Variants in MORC1 observed in about 807,000 individuals in gnomAD.
MORC1 encodes MORC family CW-type zinc finger protein 1.
A neutral mutation model predicts 134.9 loss-of-function variants in MORC1; 59 were observed. That is an observed-to-expected ratio of 0.44 (90% CI 0.35 to 0.54). The LOEUF is 0.54. Ranked by LOEUF, MORC1 falls within the 20% of genes least tolerant of loss-of-function variation. MORC1 has a pLI of 0.00. For synonymous variants in MORC1, 395 were observed against 391.7 expected (o/e 1.01, Z -0.10); for missense variants, 947 against 1,134.5 (o/e 0.83, Z 2.37).
chr3:108,996,309 A>G (rs890553235), intron 21 of MORC1, among the ~76,000 whole-genome samples: 1 of 94,008 alleles, frequency 1.1e-5, no homozygotes, highest in African/African-American at 4.0e-5. Context: ...CACACACACA[A>G]CTAGAATTTC....
At position 109,090,638 on chromosome 3, in the gene MORC1, A is replaced by C. The variant is rs575838114; in HGVS notation, c.689+2798T>G. Among the ~76,000 whole-genome samples the C allele has an allele frequency of 5.9e-3, 888 of 151,606 alleles. 2 individuals are homozygous for C. The highest frequency in any genetic ancestry group is 0.01 in the Middle Eastern group (3 of 294). ...TCCGTCTCAAAAAAAAAAAAAAAAAAAAAACACGATGTCAAATGTTCACAA... is the reference window on the plus strand; with the variant it reads ...TCCGTCTCAAAAAAAAAAAAAAAAACAAAACACGATGTCAAATGTTCACAA... On this transcript the variant is annotated intron_variant, in intron 8 of 27. Coordinates refer to ENST00000232603, the MANE Select transcript of MORC1 (RefSeq NM_014429.4).
intron 6 of MORC1, among the ~76,000 whole-genome samples, chr3:109,097,297 T>C: frequency 6.6e-6 from 1 of 152,122 alleles, no homozygotes; most frequent in Non-Finnish European, 1.5e-5. Flanking sequence ...ACCTTCGAAA[T>C]CCTGAAAGAA....
chr3:109,102,400 A>G (rs1950945504), intron 4 of MORC1, among the ~76,000 whole-genome samples: 1 of 152,190 alleles, frequency 6.6e-6, no homozygotes, highest in Admixed American at 6.5e-5. Flanking sequence ...GTACATTTTC[A>G]GCAGGAAAAT....
chr3:109,109,817 G>C (rs1328832993), intron 3 of MORC1: 1 of 152,272 alleles, frequency 6.6e-6, no homozygotes, highest in Non-Finnish European at 1.5e-5. Flanking sequence ...CAGGGCAAAA[G>C]AGTTTCAGAG....
Position 108,971,334 on chromosome 3 carries a change from C to T in MORC1, c.2546G>A (p.Cys849Tyr), listed in dbSNP as rs1228912303. Residue 849 changes from cysteine to tyrosine, a missense_variant, in exon 25 of 28, where the codon TGT becomes TAT. Transcript: ENST00000232603. ...PSELEEPALS[C>Y]ELEQCPEQMN... ...TTCCAAAAAAAACCAGCTTACCTCA[C>T]AACTTAATGCAGGTTCTTCCAATTC... 6.2e-7 allele frequency: 1 copy of T among 1,613,092 alleles called. No individual in the cohort carries two copies.
intron 8 of MORC1, among the ~76,000 whole-genome samples, chr3:109,082,668 G>C (rs1950545557): frequency 6.6e-6 from 1 of 151,934 alleles, no homozygotes; most frequent in Admixed American, 6.6e-5. Flanking sequence ...CTGCACAACA[G>C]AATAGATCAA....
chr3:108,998,771 G>A (rs990281882), intron 21 of MORC1, among the ~76,000 whole-genome samples: 2 of 152,204 alleles, frequency 1.3e-5, no homozygotes, highest in African/African-American at 4.8e-5. Context: ...GTTTATCCAA[G>A]TTAATTAGAC....
chr3:109,014,588 G>A (rs559200035), intron 17 of MORC1, among the ~76,000 whole-genome samples: 2 of 152,248 alleles, frequency 1.3e-5, no homozygotes, highest in South Asian at 4.1e-4. Flanking sequence ...ACAGCAAAAT[G>A]GATTTCACAA....
chr3:109,095,182 A>G, intron 6 of MORC1, 114 bp from the exon 7 acceptor site: 1 of 990,382 alleles, frequency 1.0e-6, no homozygotes, highest in South Asian at 1.7e-5. Context: ...CACTAAGTTA[A>G]AAGTTCATTT....
Position 108,971,380 on chromosome 3 carries a change from G to C in MORC1, c.2500C>G (p.Pro834Ala), listed in dbSNP as rs377680519. Reference sequence around the variant, plus strand: ...AATTCTGATGGTAGCTGATGCTCAGGAAAAAAATACAGAAGAATCTCCCTA... The same window carrying C: ...AATTCTGATGGTAGCTGATGCTCAGCAAAAAAATACAGAAGAATCTCCCTA... ...KLREILLYFF[P>A]EHQLPSELEE... Residue 834 changes from proline to alanine, a missense_variant, in exon 25 of 28, where the codon CCT becomes GCT. Physicochemically the swap from Pro to Ala is conservative, Grantham distance 27. Transcript: ENST00000232603. 1.9e-6 allele frequency: 3 copies of C among 1,612,136 alleles called. No homozygotes were observed. The highest frequency in any genetic ancestry group is 2.7e-5 in the African/African-American group (2 of 74,790).
In MORC1 at chr3:109,093,423, A is replaced by T. The variant is rs1420280652; in HGVS notation, c.689+13T>A. The stretch of plus-strand genomic sequence containing the variant: ...ACCATTGTTGAAAAACATTCTGTCA[A>T]ACACACACATACTCCTCCAGAGCTC... On this transcript the variant is annotated intron_variant, in intron 8 of 27. Transcript: ENST00000232603. 2 of 1,594,028 alleles carry T rather than the reference A, an allele frequency of 1.3e-6. No individual in the cohort carries two copies. Among genetic ancestry groups the T allele is most frequent in the East Asian group, 4.5e-5 (2 of 44,750 alleles).
At chr3:109,069,798 AAC>A in intron 8 of MORC1, 41 bp from the exon 9 acceptor site, 1 of 1,559,628 alleles carries the variant, frequency 6.4e-7, no homozygotes, top group Non-Finnish European at 8.7e-7. Flanking sequence ...CAGAGGACAC[AAC>A]AACTACATCT....
chr3:108,958,731 T>G lies in MORC1; in HGVS notation c.*234A>C. 1 of 218,822 alleles carries G rather than the reference T, an allele frequency of 4.6e-6. No homozygotes were observed. The highest frequency in any genetic ancestry group is 8.9e-6 in the Non-Finnish European group (1 of 112,536). The allele number at this position is 218,822 out of a possible 1,614,324, so 13.6% of individuals were successfully genotyped here. The stretch of plus-strand genomic sequence containing the variant: ...GAAAATTAGAGAACTCTAGATATTA[T>G]TAATATTTCTGAAAGAAAAGGAAGA... On this transcript the variant is annotated 3_prime_UTR_variant, in exon 28 of 28. Coordinates refer to ENST00000232603, the MANE Select transcript of MORC1 (RefSeq NM_014429.4).
chr3:108,967,367 A>T (rs936333982), intron 26 of MORC1, among the ~76,000 whole-genome samples: 1 of 152,180 alleles, frequency 6.6e-6, no homozygotes, highest in African/African-American at 2.4e-5. Context: ...CAGTGCATTC[A>T]AATCAGAGTC....
In MORC1 at chr3:109,094,927, C is replaced by T. The variant is rs763393067; in HGVS notation, c.565G>A (p.Val189Met). 6.3e-7 allele frequency: 1 copy of T among 1,576,422 alleles called. No homozygotes were observed. The highest frequency in any genetic ancestry group is 2.3e-5 in the East Asian group (1 of 44,136). ...TEAELMQQFDVIYGKCGTLLV... is the reference protein window; with the variant it reads ...TEAELMQQFDMIYGKCGTLLV... ...ATCTTACCACATTTTCCATAGATCA[C>T]ATCAAACTGCTGCATCAATTCTGCT... is the stretch of plus-strand genomic sequence containing the variant. The change falls in exon 7 of 28, where the codon GTG becomes ATG. Residue 189 changes from valine to methionine, a missense_variant. Physicochemically the swap from Val to Met is conservative, Grantham distance 21. Around this residue, in one of 3 missense-constraint regions of MORC1, gnomAD observed 214 missense variants for 281.3 expected, o/e 0.76. Coordinates refer to ENST00000232603, the MANE Select transcript of MORC1 (RefSeq NM_014429.4).
chr3:108,958,809 A>G lies in MORC1; in HGVS notation c.*156T>C. 1 of 409,708 alleles carries G rather than the reference A, an allele frequency of 2.4e-6. No individual in the cohort carries two copies. The highest frequency in any genetic ancestry group is 4.1e-5 in the East Asian group (1 of 24,372). The allele number at this position is 409,708 out of a possible 1,614,324, so 25.4% of individuals were successfully genotyped here. On this transcript the variant is annotated 3_prime_UTR_variant, in exon 28 of 28. Transcript: ENST00000232603. ...AAATTGTAAATCGGTCTCCATTTCT[A>G]GAGTACACAATTTTCTTATTTGAAA...
intron 16 of MORC1, 98 bp downstream of exon 16, chr3:109,032,622 C>T (rs959783074): frequency 8.5e-6 from 7 of 827,800 alleles, no homozygotes; most frequent in Non-Finnish European, 1.3e-5. Flanking sequence ...AGATACTAAG[C>T]TAAAATCTAT....
chr3:109,075,708 A>G (rs1394366841), intron 8 of MORC1, among the ~76,000 whole-genome samples: 4 of 152,112 alleles, frequency 2.6e-5, no homozygotes, highest in Non-Finnish European at 5.9e-5. Context: ...GTAGCCTTGT[A>G]GTATAGTTTG....
chr3:108,972,447 T>C (rs1474298191), intron 24 of MORC1, among the ~76,000 whole-genome samples: 1 of 152,200 alleles, frequency 6.6e-6, no homozygotes, highest in Non-Finnish European at 1.5e-5. Flanking sequence ...TTTGTATTAA[T>C]ACATATTTAT....
Sources: gnomAD v4.1 joint callset for allele counts (sites outside exome capture counted in the v4.1 genomes callset) on GRCh38, gnomAD v4.1.1 for gene constraint, gnomAD v4.1.1 regional missense constraint, MANE v1.5 for transcripts, NCBI Gene and HGNC (gene_info 2026-07-23, HGNC 2026-07-21) for gene names.